Variants in ZNF474 observed in about 807,000 individuals in gnomAD.
ZNF474 encodes 4933409D10Rik.
For synonymous variants in ZNF474, 192 were observed against 162.2 expected (o/e 1.18, Z -1.39); for missense variants, 511 against 433.8 (o/e 1.18, Z -1.58).
intron 1 of ZNF474, among the ~76,000 whole-genome samples, chr5:122,151,369 G>A (rs747643652): frequency 9.9e-5 from 15 of 152,260 alleles, no homozygotes; most frequent in Middle Eastern, 3.4e-3. Flanking sequence ...TTTCTGTGGG[G>A]CCCAGGGGGT....
chr5:122,131,865 T>A (rs554398173), intron 1 of ZNF474, among the ~76,000 whole-genome samples: 1 of 152,226 alleles, frequency 6.6e-6, no homozygotes, highest in Non-Finnish European at 1.5e-5. Context: ...TTCATTGATG[T>A]ATAACTCACA....
In ZNF474 at chr5:122,141,181, C is replaced by T. The variant is rs1050863752; in HGVS notation, c.-212-10598C>T. The stretch of plus-strand genomic sequence containing the variant: ...TTTTATTTTATTTTATTTTTGGAAA[C>T]AGTCTATTGCTCAGGCTGGAGTGCT... On this transcript the variant is annotated intron_variant, in intron 1 of 1. Coordinates refer to ENST00000296600, the MANE Select transcript of ZNF474 (RefSeq NM_207317.3). 8.8e-5 allele frequency among the ~76,000 whole-genome samples: 11 copies of T among 124,732 alleles called. 1 individual carries two copies. In the South Asian group the frequency reaches 2.1e-3, roughly 24 times the overall value. The allele number at this position is 124,732 out of a possible 152,430, so 81.8% of individuals were successfully genotyped here. A position where few individuals can be genotyped will look rare whatever the true frequency, so the allele number is the denominator to read the frequency against.
At chr5:122,135,750 T>C (rs1052656304) in intron 1 of ZNF474, among the ~76,000 whole-genome samples, 1 of 152,104 alleles carries the variant, frequency 6.6e-6, no homozygotes, top group African/African-American at 2.4e-5. Context: ...TAAGTGTCCA[T>C]CAGTGGATCA....
chr5:122,149,451 A>G (rs1756103861), intron 1 of ZNF474, among the ~76,000 whole-genome samples: 1 of 152,156 alleles, frequency 6.6e-6, no homozygotes, highest in Non-Finnish European at 1.5e-5. Context: ...GAAGCATAAC[A>G]GCTGGTGAGA....
intron 1 of ZNF474, among the ~76,000 whole-genome samples, chr5:122,141,484 T>G (rs1755845505): frequency 6.6e-6 from 1 of 152,028 alleles, no homozygotes; most frequent in South Asian, 2.1e-4. Flanking sequence ...AATTTTTGTA[T>G]TTTTAGTAAT....
chr5:122,130,496 A>G (rs1045256199), intron 1 of ZNF474, among the ~76,000 whole-genome samples: 6 of 152,164 alleles, frequency 3.9e-5, no homozygotes, highest in Non-Finnish European at 8.8e-5. Context: ...AAGCATTTCA[A>G]TGTGGGTTTT....
At chr5:122,145,936 G>A (rs948260402) in intron 1 of ZNF474, among the ~76,000 whole-genome samples, 5 of 152,198 alleles carry the variant, frequency 3.3e-5, no homozygotes, top group African/African-American at 7.2e-5. Flanking sequence ...TCTCCAAGGA[G>A]GACGCACAGA....
At chr5:122,146,759 C>G (rs936549999) in intron 1 of ZNF474, among the ~76,000 whole-genome samples, 4 of 152,180 alleles carry the variant, frequency 2.6e-5, no homozygotes, top group Non-Finnish European at 5.9e-5. Flanking sequence ...ACCAGGGACC[C>G]AAGTCCATCC....
chr5:122,144,757 T>C (rs1177345736), intron 1 of ZNF474, among the ~76,000 whole-genome samples: 4 of 152,216 alleles, frequency 2.6e-5, no homozygotes, highest in Non-Finnish European at 5.9e-5. Flanking sequence ...TCTTCCACTT[T>C]TTTCTTTTTT....
chr5:122,138,046 T>A (rs1755748023), intron 1 of ZNF474, among the ~76,000 whole-genome samples: 1 of 152,224 alleles, frequency 6.6e-6, no homozygotes, highest in Admixed American at 6.5e-5. Flanking sequence ...CTACATAAAT[T>A]GATGTAATAT....
rs867722021 is a variant in ZNF474 at position 122,140,276 on chromosome 5, C to T, written c.-213+10593C>T. ...AATTATATAGAGCTTAATACACATA[C>T]GAGTGCAAATAAAACTGAGGATTCT... is the stretch of plus-strand genomic sequence containing the variant. On this transcript the variant is annotated intron_variant, in intron 1 of 1. Coordinates refer to ENST00000296600, the MANE Select transcript of ZNF474 (RefSeq NM_207317.3). Among the ~76,000 whole-genome samples, 4 of 152,258 alleles carry T rather than the reference C, an allele frequency of 2.6e-5. 1 individual carries two copies. Among genetic ancestry groups the T allele is most frequent in the Admixed American group, 1.3e-4 (2 of 15,284 alleles).
intron 1 of ZNF474, among the ~76,000 whole-genome samples, chr5:122,142,698 G>T (rs1055376815): frequency 5.9e-5 from 9 of 152,178 alleles, no homozygotes; most frequent in Admixed American, 4.6e-4. Flanking sequence ...GCCCATGAAA[G>T]AGAGTCTTGT....
intron 1 of ZNF474, among the ~76,000 whole-genome samples, chr5:122,148,565 A>C (rs1756054067): frequency 6.6e-6 from 1 of 152,126 alleles, no homozygotes; most frequent in Non-Finnish European, 1.5e-5. Context: ...CAGACAAAAC[A>C]CATCATTCAT....
intron 1 of ZNF474, among the ~76,000 whole-genome samples, chr5:122,134,174 T>C (rs1755642878): frequency 6.6e-6 from 1 of 152,106 alleles, no homozygotes; most frequent in Non-Finnish European, 1.5e-5. Context: ...TGCACACAAA[T>C]ATGGCAATAG....
chr5:122,143,419 G>A (rs1328075983), intron 1 of ZNF474, among the ~76,000 whole-genome samples: 1 of 152,098 alleles, frequency 6.6e-6, no homozygotes, highest in Non-Finnish European at 1.5e-5. Flanking sequence ...ATGGGGGCTG[G>A]CAAACATATG....
At chr5:122,149,405 G>T (rs1756102608) in intron 1 of ZNF474, among the ~76,000 whole-genome samples, 1 of 152,144 alleles carries the variant, frequency 6.6e-6, no homozygotes, top group Non-Finnish European at 1.5e-5. Context: ...TGCCTTGTCT[G>T]CACTCCTCCT....
At chr5:122,151,705 ATGTGTGTGTGTG>A (rs145270704) in intron 1 of ZNF474, 62 bp from the exon 2 acceptor site, 8 of 206,000 alleles carry the variant, frequency 3.9e-5, no homozygotes, top group East Asian at 3.1e-4. Context: ...AACAACCTAA[ATGTGTGTGTGTG>A]TGTGTGTGTG....
chr5:122,137,592 A>G (rs1018586575), intron 1 of ZNF474, among the ~76,000 whole-genome samples: 1 of 151,998 alleles, frequency 6.6e-6, no homozygotes, highest in African/African-American at 2.4e-5. Context: ...GAGCATGTGC[A>G]AAGCCTCTTC....
chr5:122,144,743 C>T (rs944479889), intron 1 of ZNF474, among the ~76,000 whole-genome samples: 8 of 152,108 alleles, frequency 5.3e-5, no homozygotes, highest in African/African-American at 1.2e-4. Context: ...ACTTGTTATT[C>T]GACTCTTCCA....
Sources: gnomAD v4.1 joint callset for allele counts (sites outside exome capture counted in the v4.1 genomes callset) on GRCh38, gnomAD v4.1.1 for gene constraint, MANE v1.5 for transcripts, NCBI Gene and HGNC (gene_info 2026-07-23, HGNC 2026-07-21) for gene names.